PCDHA5: variants seen among roughly 807,000 people sequenced by gnomAD.
PCDHA5 encodes the protein protocadherin alpha 5.
PCDHA5 carries 43 observed loss-of-function variants against 61.6 expected under a neutral mutation model. The ratio of observed to expected loss-of-function variants is 0.70; its 90% CI spans 0.55 to 0.90. The LOEUF (loss-of-function observed/expected upper bound fraction) is 0.90, where lower values mean the gene tolerates loss of function less well. Among genes scored for constraint, PCDHA5 ranks in the 40% least tolerant of loss-of-function variants. The pLI is 0.00. For synonymous variants in PCDHA5, 627 were observed against 543.9 expected (o/e 1.15, Z -2.13); for missense variants, 1,298 against 1,222.7 (o/e 1.06, Z -0.92).
chr5:140,841,603 G>A (rs2150319062), intron 1 of PCDHA5: 34 of 1,614,038 alleles, frequency 2.1e-5, no homozygotes, highest in East Asian at 1.1e-4. Flanking sequence ...ACCGCGAGGA[G>A]CTGTGCGGGC....
intron 1 of PCDHA5, among the ~76,000 whole-genome samples, chr5:140,905,945 T>C (rs2072222090): frequency 6.6e-6 from 1 of 152,150 alleles, no homozygotes; most frequent in Non-Finnish European, 1.5e-5. Flanking sequence ...GAACTTGGAA[T>C]CCGATGTTCA....
intron 1 of PCDHA5, among the ~76,000 whole-genome samples, chr5:140,973,810 T>C (rs1179978402): frequency 6.6e-6 from 1 of 152,230 alleles, no homozygotes; most frequent in Non-Finnish European, 1.5e-5. Context: ...CTTGACAGAA[T>C]AGCAAAGTCA....
chr5:140,850,322 C>G lies in PCDHA5; in HGVS notation c.2352+26195C>G, dbSNP rs2150479524. 264 of 1,597,382 alleles carry G rather than the reference C, an allele frequency of 1.7e-4. 27 individuals are homozygous for G. The highest frequency in any genetic ancestry group is 2.2e-4 in the Non-Finnish European group (252 of 1,167,724). ...CGGGCTACAACGCGTGGCTTTCATA[C>G]GAGCTGCAGCCAGAAACGGCCAGCG... On this transcript the variant is annotated intron_variant, in intron 1 of 3. Coordinates refer to ENST00000529859, the MANE Select transcript of PCDHA5 (RefSeq NM_018908.3).
rs533760082 is a variant in PCDHA5 at position 140,985,940 on chromosome 5, T to C, written c.2500+3377T>C. On this transcript the variant is annotated intron_variant, in intron 3 of 3. Coordinates refer to ENST00000529859, the MANE Select transcript of PCDHA5 (RefSeq NM_018908.3). ...ATTTTTAGTAGAGCCGGGGTTTCAC[T>C]GTGTTAGCCAGGATGGTCTCAATCT... is the stretch of plus-strand genomic sequence containing the variant. Among the ~76,000 whole-genome samples, 4 of 151,946 alleles carry C rather than the reference T, an allele frequency of 2.6e-5. No homozygotes were observed. In the South Asian group the frequency reaches 6.2e-4, roughly 24 times the overall value.
At chr5:140,854,512 G>A (rs1265756710) in intron 1 of PCDHA5, 2 of 149,810 alleles carry the variant, frequency 1.3e-5, no homozygotes, top group Admixed American at 6.7e-5. Context: ...TAAACTGATG[G>A]ATTAAGTGAC....
chr5:140,896,228 G>C (rs567886194), intron 1 of PCDHA5, among the ~76,000 whole-genome samples: 1 of 152,298 alleles, frequency 6.6e-6, no homozygotes, highest in South Asian at 2.1e-4. Context: ...CTTTATAGTA[G>C]AATGACTTAT....
rs143002904 is a variant in PCDHA5, at chr5:140,856,290, G to T, written c.2352+32163G>T. 5.0e-6 allele frequency: 8 copies of T among 1,598,368 alleles called. 2 individuals are homozygous for T. The African/African-American group carries it at 8.1e-5, about 16-fold the overall frequency. ...CTTCTGGAGGTAAATCTGCAGAATGGCATTTTGTTTGTGAATTCTCGGATT... is the reference window on the plus strand; with the variant it reads ...CTTCTGGAGGTAAATCTGCAGAATGTCATTTTGTTTGTGAATTCTCGGATT... On this transcript the variant is annotated intron_variant, in intron 1 of 3. Coordinates refer to ENST00000529859, the MANE Select transcript of PCDHA5 (RefSeq NM_018908.3).
intron 1 of PCDHA5, among the ~76,000 whole-genome samples, chr5:140,957,050 A>T (rs246010): frequency 0.56 from 85,650 of 151,948 alleles, 24,767 homozygotes; most frequent in African/African-American, 0.69. Context: ...TATAAAATAA[A>T]TTATAAATGT....
chr5:140,837,239 AT>A (rs1774971058), intron 1 of PCDHA5: 1 of 152,014 alleles, frequency 6.6e-6, no homozygotes, highest in African/African-American at 2.4e-5. Flanking sequence ...TTTTACATCT[AT>A]TTATCTTCTT....
chr5:140,842,647 T>C (rs1778166241), intron 1 of PCDHA5: 1 of 1,595,148 alleles, frequency 6.3e-7, no homozygotes, highest in African/African-American at 1.3e-5. Flanking sequence ...CCAGCTTGTC[T>C]GTGGAGGTGG....
chr5:140,995,276 C>T (rs2097674050), intron 3 of PCDHA5, among the ~76,000 whole-genome samples: 4 of 152,030 alleles, frequency 2.6e-5, no homozygotes, highest in Non-Finnish European at 1.5e-5. Flanking sequence ...CCCTTTGATA[C>T]CAAAACAGCC....
At chr5:140,886,746 A>C (rs2061113111) in intron 1 of PCDHA5, among the ~76,000 whole-genome samples, 1 of 151,722 alleles carries the variant, frequency 6.6e-6, no homozygotes. Context: ...GAATTGCTTG[A>C]ACCCGGGAGG....
intron 1 of PCDHA5, among the ~76,000 whole-genome samples, chr5:140,938,157 G>A (rs532966795): frequency 6.6e-6 from 1 of 151,904 alleles, no homozygotes; most frequent in East Asian, 1.9e-4. Context: ...CATTGCCCAG[G>A]CTAGTCTGGA....
chr5:140,853,135 T>C, intron 1 of PCDHA5: 2 of 687,812 alleles, frequency 2.9e-6, no homozygotes, highest in Non-Finnish European at 3.7e-6. Context: ...CGCCTCAGCC[T>C]CCCAAAATGC....
At chr5:140,950,429 T>TGTA (rs1554219455) in intron 1 of PCDHA5, among the ~76,000 whole-genome samples, 5 of 151,900 alleles carry the variant, frequency 3.3e-5, no homozygotes, top group African/African-American at 1.2e-4. Flanking sequence ...TTCTTCCACT[T>TGTA]AAAAAAAATG....
At chr5:140,841,678 G>T (rs1451404263) in intron 1 of PCDHA5, 5 of 1,613,862 alleles carry the variant, frequency 3.1e-6, no homozygotes, top group Middle Eastern at 1.6e-4. Flanking sequence ...TTTTCCATGT[G>T]GACGTGGAGG....
intron 1 of PCDHA5, among the ~76,000 whole-genome samples, chr5:140,944,779 T>C (rs1022054674): frequency 6.6e-6 from 1 of 152,228 alleles, no homozygotes; most frequent in African/African-American, 2.4e-5. Flanking sequence ...CCTCCTGTTA[T>C]TGTATTTTAC....
chr5:140,866,490 C>T (rs1197584665), intron 1 of PCDHA5: 2 of 152,070 alleles, frequency 1.3e-5, no homozygotes, highest in Admixed American at 1.3e-4. Flanking sequence ...TGATTTGTGA[C>T]CAAATAACTG....
chr5:140,868,879 C>T (rs1247053599), intron 1 of PCDHA5: 1 of 693,900 alleles, frequency 1.4e-6, no homozygotes, highest in Non-Finnish European at 2.3e-6. Context: ...ACAGTACTCA[C>T]AGTTTTAGGC....
Sources: gnomAD v4.1 joint callset for allele counts (sites outside exome capture counted in the v4.1 genomes callset) on GRCh38, gnomAD v4.1.1 for gene constraint, MANE v1.5 for transcripts, NCBI Gene and HGNC (gene_info 2026-07-23, HGNC 2026-07-21) for gene names.